PYGB: variants seen among roughly 807,000 people sequenced by gnomAD.
The protein encoded by PYGB is glycogen phosphorylase B.
Under a neutral mutation model 94.3 loss-of-function variants are expected in PYGB, and 82 were observed. The observed-to-expected ratio is 0.87, with a 90% CI of 0.73 to 1.04. PYGB has a LOEUF of 1.04. Among genes scored for constraint, PYGB ranks in the 50% least tolerant of loss-of-function variants. The pLI, the probability that PYGB is intolerant of heterozygous loss-of-function variation, is 0.00. For synonymous variants in PYGB, 488 were observed against 479.1 expected, an observed-to-expected ratio of 1.02 and a Z score of -0.24; for missense variants, 1,132 against 1,158.2, an observed-to-expected ratio of 0.98 and a Z score of 0.33.
chr20:25,251,704 G>T (rs1265821890), intron 1 of PYGB, among the ~76,000 whole-genome samples: 2 of 152,172 alleles, frequency 1.3e-5, no homozygotes, highest in African/African-American at 4.8e-5. Flanking sequence ...TATTCTGTGG[G>T]CCTTTGTGAA....
chr20:25,275,254 C>T (rs1465146514), intron 5 of PYGB, among the ~76,000 whole-genome samples: 5 of 152,268 alleles, frequency 3.3e-5, no homozygotes, highest in Non-Finnish European at 7.3e-5. Context: ...CCAGGCCCTC[C>T]TGCCCAGCAG....
chr20:25,288,664 AAG>A, intron 15 of PYGB, 181 bp downstream of exon 15: 1 of 692,226 alleles, frequency 1.4e-6, no homozygotes, highest in South Asian at 1.9e-5. Context: ...AATGGGATGG[AAG>A]CCTCCTGCCT....
chr20:25,275,637 C>T (rs756317395), intron 5 of PYGB, among the ~76,000 whole-genome samples: 7 of 152,240 alleles, frequency 4.6e-5, no homozygotes, highest in Non-Finnish European at 7.3e-5. Context: ...CTTGCAAGAG[C>T]AGGGTAGGGG....
chr20:25,274,608 A>G lies in PYGB; in HGVS notation c.545A>G (p.Asp182Gly), dbSNP rs1203521572. The change falls in exon 5 of 20, where the codon GAC (aspartate) becomes GGC (glycine). Residue 182 changes from aspartate to glycine, a missense_variant. Asp to Gly is a moderately conservative substitution (Grantham distance 94). Transcript: ENST00000216962. ...VNGWQVEEAD[D>G]WLRYGNPWEK... ...TCTTTCCAGGTAGAGGAGGCCGATG[A>G]CTGGCTGCGCTACGGCAACCCCTGG... 7 of 1,613,544 alleles carry G rather than the reference A, an allele frequency of 4.3e-6. No individual in the cohort carries two copies. Among genetic ancestry groups the G allele is most frequent in the Admixed American group, 1.7e-5 (1 of 60,004 alleles).
chr20:25,284,067 T>C, intron 13 of PYGB, 37 bp from the exon 14 acceptor site: 1 of 1,607,546 alleles, frequency 6.2e-7, no homozygotes, highest in Non-Finnish European at 8.5e-7. Flanking sequence ...GGAGTCCTGG[T>C]GAAGTCTCCA....
Position 25,281,101 on chromosome 20 carries a change from GA to G in PYGB, c.1395del (p.Lys465AsnfsTer49), listed in dbSNP as rs745436376. The G allele has an allele frequency of 4.3e-6, 7 of 1,614,180 alleles. No individual in the cohort carries two copies. Among genetic ancestry groups the G allele is most frequent in the Non-Finnish European group, 5.9e-6 (7 of 1,180,008 alleles). The part of the protein sequence containing the change: ...GVARIHSEIV[K>X]QSVFKDFYEL... ...TGGCGAGGATCCACTCGGAGATCGTGAAACAGTCGGTGTGAGTGGGGCGCTT... is the reference window on the plus strand; with the variant it reads ...TGGCGAGGATCCACTCGGAGATCGTGAACAGTCGGTGTGAGTGGGGCGCTT... On this transcript the variant is annotated frameshift_variant, in exon 11 of 20. Coordinates refer to ENST00000216962, the MANE Select transcript of PYGB (RefSeq NM_002862.4). LOFTEE classifies it high-confidence loss of function.
At position 25,265,680 on chromosome 20, in the gene PYGB, C is replaced by T. The variant is rs191365969; in HGVS notation, c.346-3449C>T. On this transcript the variant is annotated intron_variant, in intron 2 of 19. Coordinates refer to ENST00000216962, the MANE Select transcript of PYGB (RefSeq NM_002862.4). Reference sequence around the variant, plus strand: ...CGTGATCTCGGCTCACTGCAGGCTTCACCTCCCGGGTTCACACCATTCTCT... The same window carrying T: ...CGTGATCTCGGCTCACTGCAGGCTTTACCTCCCGGGTTCACACCATTCTCT... Among the ~76,000 whole-genome samples the T allele has an allele frequency of 1.1e-3, 159 of 148,272 alleles. 1 individual carries two copies. The highest frequency in any genetic ancestry group is 3.8e-3 in the African/African-American group (152 of 39,844).
chr20:25,286,987 T>G (rs2088423905), intron 14 of PYGB, among the ~76,000 whole-genome samples: 1 of 152,250 alleles, frequency 6.6e-6, no homozygotes, highest in African/African-American at 2.4e-5. Flanking sequence ...GCTGCATTCC[T>G]CCTGGAGCCT....
intron 3 of PYGB, among the ~76,000 whole-genome samples, chr20:25,270,190 T>G (rs1459560457): frequency 1.5e-5 from 2 of 132,280 alleles, no homozygotes; most frequent in Non-Finnish European, 3.1e-5. Context: ...TCCTGAAGTT[T>G]TTTTTGTTTT....
rs753267953 is a variant in PYGB, at chr20:25,280,262, C to T, written c.1093-4C>T. On this transcript the variant is annotated splice_polypyrimidine_tract_variant and splice_region_variant and intron_variant, in intron 9 of 19. Coordinates refer to ENST00000216962, the MANE Select transcript of PYGB (RefSeq NM_002862.4). Reference sequence around the variant, plus strand: ...ACACATGGGAACATTCTCTAATGGCCTAGGCCTGGGAAATCACGAAGAAGA... The same window carrying T: ...ACACATGGGAACATTCTCTAATGGCTTAGGCCTGGGAAATCACGAAGAAGA... The T allele has an allele frequency of 6.2e-6, 10 of 1,613,980 alleles. No homozygotes were observed. In the Admixed American group the frequency reaches 1.3e-4, roughly 22 times the overall value.
rs758680406 is a variant in PYGB, at chr20:25,271,478, G to A, written c.520G>A (p.Gly174Ser). The A allele has an allele frequency of 6.2e-7, 1 of 1,612,898 alleles. No homozygotes were observed. The highest frequency in any genetic ancestry group is 8.5e-7 in the Non-Finnish European group (1 of 1,178,816). ...FGIFNQKIVN[G>S]WQVEEADDWL... ...GATTTTTAACCAGAAGATTGTCAAT[G>A]GCTGGCAGGTGGGTGAGATTTCATT... The change falls in exon 4 of 20, where the codon GGC becomes AGC. Residue 174 changes from glycine to serine, a missense_variant. Coordinates refer to ENST00000216962, the MANE Select transcript of PYGB (RefSeq NM_002862.4).
chr20:25,268,240 A>C (rs2088236956), intron 2 of PYGB, among the ~76,000 whole-genome samples: 1 of 138,598 alleles, frequency 7.2e-6, no homozygotes. Context: ...AAGTCACAGT[A>C]ATTTGAAATT....
At chr20:25,271,604 C>G (rs2088269338) in intron 4 of PYGB, 118 bp downstream of exon 4, 1 of 1,122,680 alleles carries the variant, frequency 8.9e-7, no homozygotes, top group Admixed American at 1.9e-5. Context: ...TGCAGGCCGG[C>G]CAGGGCAATG....
intron 10 of PYGB, 90 bp downstream of exon 10, chr20:25,280,502 C>G: frequency 2.0e-6 from 3 of 1,495,286 alleles, no homozygotes; most frequent in Non-Finnish European, 2.7e-6. Flanking sequence ...GTGCTTTGCT[C>G]CTTGAACGAG....
chr20:25,284,340 CATG>C (rs2088398594), intron 14 of PYGB, 89 bp downstream of exon 14: 3 of 1,509,018 alleles, frequency 2.0e-6, no homozygotes, highest in East Asian at 4.6e-5. Context: ...GGGCCTCTGT[CATG>C]GTGGGGGCTG....
Position 25,258,226 on chromosome 20 carries a change from C to T in PYGB, c.244-1011C>T, listed in dbSNP as rs142023601. ...TTAAAAACTTTATGGACCTCACCGA[C>T]GACCCATGTAGAATTCCAGGGAATC... On this transcript the variant is annotated intron_variant, in intron 1 of 19. Coordinates refer to ENST00000216962, the MANE Select transcript of PYGB (RefSeq NM_002862.4). Among the ~76,000 whole-genome samples, 403 of 152,322 alleles carry T rather than the reference C, an allele frequency of 2.6e-3. 1 individual carries two copies. Among genetic ancestry groups the T allele is most frequent in the Non-Finnish European group, 4.6e-3 (313 of 68,038 alleles).
At chr20:25,259,399 C>A in intron 2 of PYGB, 61 bp downstream of exon 2, 1 of 1,334,992 alleles carries the variant, frequency 7.5e-7, no homozygotes, top group Non-Finnish European at 1.1e-6. Context: ...GGTCTGAATC[C>A]ATTTTCCCAC....
At chr20:25,267,594 G>T (rs1014122621) in intron 2 of PYGB, among the ~76,000 whole-genome samples, 1 of 152,106 alleles carries the variant, frequency 6.6e-6, no homozygotes, top group Admixed American at 6.5e-5. Context: ...GCAATGATAC[G>T]ATCACGGCTC....
chr20:25,263,627 C>A (rs181558830), intron 2 of PYGB, among the ~76,000 whole-genome samples: 1 of 152,284 alleles, frequency 6.6e-6, no homozygotes, highest in Admixed American at 6.5e-5. Context: ...GAAATACAAA[C>A]TACCATCAGA....
Sources: gnomAD v4.1 joint callset for allele counts (sites outside exome capture counted in the v4.1 genomes callset) on GRCh38, gnomAD v4.1.1 for gene constraint, MANE v1.5 for transcripts, NCBI Gene and HGNC (gene_info 2026-07-23, HGNC 2026-07-21) for gene names.